Variants in HGD observed in about 807,000 individuals in gnomAD.
HGD encodes the protein homogentisate oxidase.
HGD carries 61 observed loss-of-function variants against 60.8 expected under a neutral mutation model. The observed-to-expected ratio is 1.00, with a 90% CI of 0.82 to 1.24. HGD has a LOEUF of 1.24. Ranked by LOEUF, HGD falls within the 50% of genes most tolerant of loss-of-function variation. The probability of loss-of-function intolerance (pLI) is 0.00; values close to 1 mark genes in which losing one functional copy is unlikely to be tolerated. For synonymous variants in HGD, 212 were observed against 187.7 expected, an observed-to-expected ratio of 1.13 and a Z score of -1.06; for missense variants, 542 against 547.1, an observed-to-expected ratio of 0.99 and a Z score of 0.09.
intron 3 of HGD, among the ~76,000 whole-genome samples, chr3:120,671,982 T>C (rs564126172): frequency 7.1e-6 from 1 of 141,258 alleles, no homozygotes; most frequent in East Asian, 2.1e-4. Flanking sequence ...CACTGGGGCC[T>C]GTTGGGGGGT....
chr3:120,678,170 T>C (rs1251552453), intron 1 of HGD: 1 of 152,212 alleles, frequency 6.6e-6, no homozygotes, highest in Non-Finnish European at 1.5e-5. Flanking sequence ...GGATGATATC[T>C]TTGGGGAAAT....
chr3:120,635,782 T>C (rs940291782), intron 12 of HGD, among the ~76,000 whole-genome samples: 1 of 152,166 alleles, frequency 6.6e-6, no homozygotes, highest in Non-Finnish European at 1.5e-5. Context: ...CTCAAGATTA[T>C]TTGTGTCAGC....
intron 4 of HGD, among the ~76,000 whole-genome samples, chr3:120,663,939 T>A (rs539656424): frequency 5.5e-4 from 40 of 72,470 alleles, no homozygotes; most frequent in African/African-American, 1.4e-3. Flanking sequence ...TATATGTAAC[T>A]GATTTTTTTT....
At chr3:120,679,846 C>T (rs191627339) in intron 1 of HGD, among the ~76,000 whole-genome samples, 9 of 152,270 alleles carry the variant, frequency 5.9e-5, no homozygotes, top group Admixed American at 3.9e-4. Context: ...TCGACTTTAG[C>T]CCAGTGAAAC....
At chr3:120,663,042 C>A (rs1707814496) in intron 4 of HGD, among the ~76,000 whole-genome samples, 2 of 152,062 alleles carry the variant, frequency 1.3e-5, no homozygotes, top group Admixed American at 1.3e-4. Context: ...CAGAAGAAAG[C>A]AACCCTGCCG....
chr3:120,649,757 A>C (rs1941280773), intron 6 of HGD, among the ~76,000 whole-genome samples: 1 of 152,130 alleles, frequency 6.6e-6, no homozygotes, highest in Admixed American at 6.5e-5. Flanking sequence ...AACCCCCCCA[A>C]AAATAGTTTT....
rs1399282187 is a variant in HGD, at chr3:120,646,945, A to G, written c.549+28T>C. On this transcript the variant is annotated intron_variant, in intron 8 of 13. Coordinates refer to ENST00000283871, the MANE Select transcript of HGD (RefSeq NM_000187.4). ...GACTGCTCCCAAATTAGTGAGAGGC[A>G]GGGAAGAGAAGGGGACACATCACCA... is the stretch of plus-strand genomic sequence containing the variant. 7 of 1,553,744 alleles carry G rather than the reference A, an allele frequency of 4.5e-6. No homozygotes were observed. The South Asian group carries it at 7.8e-5, about 17-fold the overall frequency.
chr3:120,662,688 TATC>T (rs1319163431), intron 4 of HGD, among the ~76,000 whole-genome samples: 3 of 152,164 alleles, frequency 2.0e-5, no homozygotes, highest in Non-Finnish European at 2.9e-5. Flanking sequence ...GATTATTTCT[TATC>T]AACAACTATC....
rs1940985320 is a variant in HGD, at chr3:120,641,658, C to T, written c.810G>A (p.Gly270=). ...GGTTGTACTTGTAGGGTGTATAATT[C>T]CCGTGCCAGGCCACAACATTGAACG... ...VSPFNVVAWH[G]NYTPYKYNLK... is the part of the protein sequence containing the mutation. Residue 270 remains glycine (G), a synonymous_variant, in exon 11 of 14, where the codon GGG becomes GGA. Transcript: ENST00000283871. The T allele has an allele frequency of 3.1e-6, 5 of 1,613,838 alleles. No individual in the cohort carries two copies. The highest frequency in any genetic ancestry group is 4.2e-6 in the Non-Finnish European group (5 of 1,179,846).
rs148073602 is a variant in HGD at position 120,674,646 on chromosome 3, G to C, written c.176+255C>G. 1.6e-3 allele frequency: 679 copies of C among 426,742 alleles called. 3 individuals carry two copies. Among genetic ancestry groups the C allele is most frequent in the African/African-American group, 0.013 (631 of 49,396 alleles). 26.4% of individuals were successfully genotyped at this position (426,742 alleles called of 1,614,324 possible). Reference sequence around the variant, plus strand: ...TTAGGAATATTTCCTTCTGAATATAGGAGGTAATTTGTAAATGGAACTGGA... The same window carrying C: ...TTAGGAATATTTCCTTCTGAATATACGAGGTAATTTGTAAATGGAACTGGA... On this transcript the variant is annotated intron_variant, in intron 3 of 13. Coordinates refer to ENST00000283871, the MANE Select transcript of HGD (RefSeq NM_000187.4).
chr3:120,646,914 A>G (rs1941181414), intron 8 of HGD, 59 bp downstream of exon 8: 1 of 1,317,248 alleles, frequency 7.6e-7, no homozygotes, highest in African/African-American at 1.4e-5. Context: ...AGCAGCTGAA[A>G]CATCTGACTG....
At chr3:120,682,069 A>G (rs372179167) in intron 1 of HGD, 28 bp downstream of exon 1, 37 of 1,612,624 alleles carry the variant, frequency 2.3e-5, no homozygotes, top group Middle Eastern at 1.7e-4. Flanking sequence ...TGAAGAAGCC[A>G]TAGCAAACTT....
At chr3:120,645,236 C>A (rs1031487280) in intron 9 of HGD, among the ~76,000 whole-genome samples, 2 of 152,146 alleles carry the variant, frequency 1.3e-5, no homozygotes, top group African/African-American at 4.8e-5. Flanking sequence ...GAAGCCAGAG[C>A]AGAGTGGGAA....
rs184035639 is a variant in HGD at position 120,677,438 on chromosome 3, C to T, written c.16-1575G>A. On this transcript the variant is annotated intron_variant, in intron 1 of 13. Coordinates refer to ENST00000283871, the MANE Select transcript of HGD (RefSeq NM_000187.4). ...TCCAGGTGCGCCTGTCTCTTATGGT[C>T]GAGACTGCAGGGGTGAAATAGACCC... is the stretch of plus-strand genomic sequence containing the variant. Among the ~76,000 whole-genome samples, 451 of 152,192 alleles carry T rather than the reference C, an allele frequency of 3.0e-3. 3 individuals carry two copies. Among genetic ancestry groups the T allele is most frequent in the Non-Finnish European group, 3.4e-3 (232 of 68,018 alleles).
chr3:120,650,673 A>G (rs916443057), intron 6 of HGD, 101 bp downstream of exon 6: 10 of 821,264 alleles, frequency 1.2e-5, no homozygotes, highest in Non-Finnish European at 1.7e-5. Flanking sequence ...ACAACTATGT[A>G]TGTGCATATG....
chr3:120,678,358 G>A (rs183831241), intron 1 of HGD, among the ~76,000 whole-genome samples: 16 of 152,252 alleles, frequency 1.1e-4, no homozygotes, highest in East Asian at 7.7e-4. Flanking sequence ...GAAGCCACTG[G>A]GCATTACAGT....
chr3:120,646,738 A>T (rs576478296), intron 8 of HGD, among the ~76,000 whole-genome samples: 1 of 152,038 alleles, frequency 6.6e-6, no homozygotes. Context: ...GTAAATATTT[A>T]GGAAAGTGCA....
chr3:120,641,467 A>T, intron 11 of HGD, 122 bp downstream of exon 11: 1 of 754,630 alleles, frequency 1.3e-6, no homozygotes, highest in Non-Finnish European at 2.4e-6. Flanking sequence ...ACAAATGACT[A>T]TATCTAGGGC....
Position 120,641,618 on chromosome 3 carries a change from C to A in HGD, c.850G>T (p.Val284Phe). ...TGGTCAAAGGCCACTGAGTTGATAA[C>A]CATGAAATTCTTCAGGTTGTACTTG... ...PYKYNLKNFM[V>F]INSVAFDHAD... Residue 284 changes from valine (V) to phenylalanine (F), a missense_variant, in exon 11 of 14, where the codon GTT becomes TTT. Around this residue, in one of 2 missense-constraint regions of HGD, gnomAD observed 537 missense variants for 529.1 expected, o/e 1.01. Coordinates refer to ENST00000283871, the MANE Select transcript of HGD (RefSeq NM_000187.4). The A allele has an allele frequency of 1.2e-6, 2 of 1,613,864 alleles. No individual in the cohort carries two copies. Among genetic ancestry groups the A allele is most frequent in the Non-Finnish European group, 1.7e-6 (2 of 1,179,768 alleles).
Sources: allele counts gnomAD v4.1 joint callset (sites outside exome capture counted in the v4.1 genomes callset), GRCh38; gene constraint gnomAD v4.1.1; regional missense constraint gnomAD v4.1.1; transcripts MANE v1.5; gene names NCBI Gene and HGNC (gene_info 2026-07-23, HGNC 2026-07-21).